MAP3K5: variants seen among roughly 807,000 people sequenced by gnomAD.
MAP3K5 encodes the protein mitogen-activated protein kinase kinase kinase 5, also known as ASK-1.
A neutral mutation model predicts 158.7 loss-of-function variants in MAP3K5; 56 were observed. That is an observed-to-expected ratio of 0.35 (90% CI 0.28 to 0.44). The LOEUF is 0.44. Ranked by LOEUF, MAP3K5 falls within the 20% of genes least tolerant of loss-of-function variation. The pLI is 1.00. For synonymous variants in MAP3K5, 579 were observed against 601.7 expected, an observed-to-expected ratio of 0.96 and a Z score of 0.55; for missense variants, 1,294 against 1,674.8, an observed-to-expected ratio of 0.77 and a Z score of 3.97.
intron 10 of MAP3K5, among the ~76,000 whole-genome samples, chr6:136,655,942 C>T (rs1391480194): frequency 6.6e-6 from 1 of 151,958 alleles, no homozygotes; most frequent in East Asian, 1.9e-4. Context: ...CACCACAATA[C>T]GGGAGATAAT....
At chr6:136,672,492 G>A (rs965190928) in intron 7 of MAP3K5, among the ~76,000 whole-genome samples, 8 of 152,278 alleles carry the variant, frequency 5.3e-5, no homozygotes, top group African/African-American at 1.9e-4. Context: ...TGACAATTGC[G>A]TGGTTTGGCA....
At chr6:136,763,701 G>C (rs1783847268) in intron 1 of MAP3K5, among the ~76,000 whole-genome samples, 1 of 152,168 alleles carries the variant, frequency 6.6e-6, no homozygotes, top group Non-Finnish European at 1.5e-5. Flanking sequence ...CAGAGCTACT[G>C]CTGTGGTTTG....
intron 13 of MAP3K5, among the ~76,000 whole-genome samples, chr6:136,638,332 A>G (rs1777749135): frequency 6.6e-6 from 1 of 152,222 alleles, no homozygotes; most frequent in Non-Finnish European, 1.5e-5. Flanking sequence ...ATAACACTCG[A>G]CAGTGGGATG....
intron 25 of MAP3K5, among the ~76,000 whole-genome samples, chr6:136,573,341 C>G (rs1396455262): frequency 6.6e-6 from 1 of 152,224 alleles, no homozygotes; most frequent in Non-Finnish European, 1.5e-5. Context: ...GGTTCTCAGG[C>G]CTTTGGAGTC....
intron 14 of MAP3K5, among the ~76,000 whole-genome samples, chr6:136,624,356 C>T (rs1157606149): frequency 6.6e-6 from 1 of 151,998 alleles, no homozygotes; most frequent in African/African-American, 2.4e-5. Context: ...GAAAAATACA[C>T]AAATATCAAC....
At chr6:136,565,745 T>C (rs1010216475) in intron 26 of MAP3K5, among the ~76,000 whole-genome samples, 3 of 152,244 alleles carry the variant, frequency 2.0e-5, no homozygotes, top group Non-Finnish European at 2.9e-5. Context: ...TGGTCCCTTA[T>C]TTCAATTACT....
chr6:136,639,177 A>G (rs960414039), intron 13 of MAP3K5, among the ~76,000 whole-genome samples: 1 of 152,158 alleles, frequency 6.6e-6, no homozygotes, highest in Non-Finnish European at 1.5e-5. Context: ...CAAGGTAAAG[A>G]GGTACTATTG....
intron 2 of MAP3K5, among the ~76,000 whole-genome samples, chr6:136,707,603 A>C (rs1343353607): frequency 6.6e-6 from 1 of 152,246 alleles, no homozygotes; most frequent in East Asian, 1.9e-4. Context: ...GCTAAAGCAG[A>C]AAGTTCATTT....
At chr6:136,640,310 AGGAT>A (rs1200885333) in intron 12 of MAP3K5, among the ~76,000 whole-genome samples, 1 of 152,226 alleles carries the variant, frequency 6.6e-6, no homozygotes, top group Non-Finnish European at 1.5e-5. Context: ...GCTGCCTAAG[AGGAT>A]GCATAAATGA....
At chr6:136,579,737 G>T in intron 25 of MAP3K5, 3 of 450,388 alleles carry the variant, frequency 6.7e-6, no homozygotes, top group South Asian at 4.7e-5. Context: ...AGGCTAAGGG[G>T]TATGTGCAAA....
intron 1 of MAP3K5, among the ~76,000 whole-genome samples, chr6:136,729,788 G>C (rs1314931122): frequency 2.0e-5 from 3 of 152,206 alleles, no homozygotes; most frequent in Admixed American, 1.3e-4. Context: ...CCGGGGGCTG[G>C]GAGATTGTGT....
chr6:136,730,853 T>C (rs1052680958), intron 1 of MAP3K5, among the ~76,000 whole-genome samples: 1 of 152,062 alleles, frequency 6.6e-6, no homozygotes, highest in Non-Finnish European at 1.5e-5. Context: ...CTCCTCATTA[T>C]ATACCCAATA....
intron 2 of MAP3K5, among the ~76,000 whole-genome samples, chr6:136,712,617 G>A (rs1252787839): frequency 6.6e-6 from 1 of 152,214 alleles, no homozygotes; most frequent in Non-Finnish European, 1.5e-5. Flanking sequence ...TATTGTTAAA[G>A]TTGGAGGTAT....
rs1165752659 is a variant in MAP3K5 at position 136,738,322 on chromosome 6, C to A, written c.449-17733G>T. On this transcript the variant is annotated intron_variant, in intron 1 of 29. Transcript: ENST00000359015. ...TTCGGTACCTCTTCCTGGCAAAGCTCTCTCTACTTGAGACCTTATAGCTGC... is the reference window on the plus strand; with the variant it reads ...TTCGGTACCTCTTCCTGGCAAAGCTATCTCTACTTGAGACCTTATAGCTGC... Among the ~76,000 whole-genome samples the A allele has an allele frequency of 2.6e-5, 4 of 152,158 alleles. No individual in the cohort carries two copies. The East Asian group carries it at 7.7e-4, about 29-fold the overall frequency.
intron 27 of MAP3K5, among the ~76,000 whole-genome samples, chr6:136,561,964 A>G (rs928671000): frequency 6.6e-6 from 1 of 152,244 alleles, no homozygotes; most frequent in Non-Finnish European, 1.5e-5. Flanking sequence ...AAAGATGAAT[A>G]CAATTAGCAG....
intron 8 of MAP3K5, among the ~76,000 whole-genome samples, chr6:136,668,214 T>C (rs1333670539): frequency 6.6e-6 from 1 of 152,004 alleles, no homozygotes; most frequent in Non-Finnish European, 1.5e-5. Flanking sequence ...GCCACGTCTT[T>C]ATAAAAAAAA....
At chr6:136,736,267 T>A (rs1473124938) in intron 1 of MAP3K5, among the ~76,000 whole-genome samples, 1 of 152,220 alleles carries the variant, frequency 6.6e-6, no homozygotes, top group African/African-American at 2.4e-5. Flanking sequence ...GGATTCAACA[T>A]CTCTAAAAGA....
intron 7 of MAP3K5, among the ~76,000 whole-genome samples, chr6:136,674,392 A>G (rs1042967069): frequency 6.6e-6 from 1 of 152,058 alleles, no homozygotes. Flanking sequence ...ACAAAATGTA[A>G]GGTAGACTAT....
At chr6:136,597,884 T>C (rs1396973397) in intron 21 of MAP3K5, among the ~76,000 whole-genome samples, 1 of 152,230 alleles carries the variant, frequency 6.6e-6, no homozygotes, top group Non-Finnish European at 1.5e-5. Context: ...GACATTTAAA[T>C]AATAAAAATT....
Sources: allele counts gnomAD v4.1 joint callset (sites outside exome capture counted in the v4.1 genomes callset), GRCh38; gene constraint gnomAD v4.1.1; transcripts MANE v1.5; gene names NCBI Gene and HGNC (gene_info 2026-07-23, HGNC 2026-07-21).